Variants in BABAM2 observed in about 807,000 individuals in gnomAD.
BABAM2 encodes the protein BRISC and BRCA1-A complex member 2.
A neutral mutation model predicts 54.7 loss-of-function variants in BABAM2; 31 were observed. That is an observed-to-expected ratio of 0.57 (90% confidence interval 0.43 to 0.77). The LOEUF is 0.77. Ranked by LOEUF, BABAM2 falls within the 30% of genes least tolerant of loss-of-function variation. The pLI, the probability that BABAM2 is intolerant of heterozygous loss-of-function variation, is 0.00. For missense variants in BABAM2, 364 were observed against 455.8 expected, an observed-to-expected ratio of 0.80 and a Z score of 1.83; for synonymous variants, 167 against 162.9, an observed-to-expected ratio of 1.03 and a Z score of -0.19.
rs113083351 is a variant in BABAM2 at position 28,100,447 on chromosome 2, G to A, written c.571-28824G>A. Among the ~76,000 whole-genome samples the A allele has an allele frequency of 8.1e-5, 10 of 123,216 alleles. No homozygotes were observed. In the South Asian group the frequency reaches 2.4e-3, roughly 30 times the overall value. The allele number at this position is 123,216 out of a possible 152,430, so 80.8% of individuals were successfully genotyped here. A position where few individuals can be genotyped will look rare whatever the true frequency, so the allele number is the denominator to read the frequency against. On this transcript the variant is annotated intron_variant, in intron 6 of 11. Transcript: ENST00000379624. Reference sequence around the variant, plus strand: ...TGCACTCCAGCCTGGGTGACAGAGCGAGAGACTCTGTCTCCAAAAAAAAAA... The same window carrying A: ...TGCACTCCAGCCTGGGTGACAGAGCAAGAGACTCTGTCTCCAAAAAAAAAA...
chr2:28,144,073 T>G (rs1480008584), intron 7 of BABAM2, among the ~76,000 whole-genome samples: 1 of 152,202 alleles, frequency 6.6e-6, no homozygotes, highest in Non-Finnish European at 1.5e-5. Context: ...CTACTGGACG[T>G]TACATAATTT....
chr2:28,196,621 T>G (rs1440118566), intron 7 of BABAM2, among the ~76,000 whole-genome samples: 1 of 152,024 alleles, frequency 6.6e-6, no homozygotes, highest in African/African-American at 2.4e-5. Context: ...GACAGAAGAA[T>G]CACTTGAGGC....
At chr2:27,978,190 C>G (rs557911220) in intron 3 of BABAM2, among the ~76,000 whole-genome samples, 2 of 152,188 alleles carry the variant, frequency 1.3e-5, no homozygotes, top group South Asian at 4.2e-4. Context: ...TGAAAGAGTT[C>G]TTGCTCTGAC....
chr2:27,986,410 T>G (rs1672403807), intron 3 of BABAM2, among the ~76,000 whole-genome samples: 1 of 152,050 alleles, frequency 6.6e-6, no homozygotes, highest in African/African-American at 2.4e-5. Flanking sequence ...AGTTCAAATA[T>G]TTATTCGGTG....
chr2:28,058,438 A>C (rs972306364), intron 6 of BABAM2, among the ~76,000 whole-genome samples: 1 of 152,120 alleles, frequency 6.6e-6, no homozygotes, highest in African/African-American at 2.4e-5. Context: ...GGAGGAAATG[A>C]GGCTGGACCC....
chr2:28,083,006 C>T (rs1434233667), intron 6 of BABAM2, among the ~76,000 whole-genome samples: 1 of 152,188 alleles, frequency 6.6e-6, no homozygotes, highest in Non-Finnish European at 1.5e-5. Context: ...TATCTTCTCT[C>T]CATCCTCTGC....
intron 7 of BABAM2, among the ~76,000 whole-genome samples, chr2:28,135,425 A>G (rs145279570): frequency 6.6e-6 from 1 of 151,796 alleles, no homozygotes; most frequent in African/African-American, 2.4e-5. Flanking sequence ...CCTTTTTTCA[A>G]CCCATTAAAT....
At chr2:28,264,426 A>G (rs1182657853) in intron 10 of BABAM2, among the ~76,000 whole-genome samples, 3 of 152,248 alleles carry the variant, frequency 2.0e-5, no homozygotes, top group African/African-American at 4.8e-5. Context: ...CATCTGTATT[A>G]TAAACTGTCT....
At chr2:28,311,385 C>T (rs961912957) in intron 11 of BABAM2, among the ~76,000 whole-genome samples, 1 of 152,090 alleles carries the variant, frequency 6.6e-6, no homozygotes, top group Admixed American at 6.5e-5. Context: ...GTTAGGGTCA[C>T]GTATTCTCTT....
intron 6 of BABAM2, among the ~76,000 whole-genome samples, chr2:28,063,121 C>T (rs1224490084): frequency 6.6e-6 from 1 of 152,172 alleles, no homozygotes; most frequent in Non-Finnish European, 1.5e-5. Flanking sequence ...GTGATCTAAG[C>T]TTGCCCAGTC....
intron 7 of BABAM2, among the ~76,000 whole-genome samples, chr2:28,224,851 C>CAAAAAA (rs754146418): frequency 1.7e-4 from 14 of 83,918 alleles, no homozygotes; most frequent in African/African-American, 5.3e-4. Context: ...GGTAAATTGA[C>CAAAAAA]AAAAAAAAAA....
chr2:28,073,905 T>C (rs1278696050), intron 6 of BABAM2, among the ~76,000 whole-genome samples: 1 of 152,134 alleles, frequency 6.6e-6, no homozygotes, highest in Non-Finnish European at 1.5e-5. Flanking sequence ...TAATTGCTAA[T>C]TAGGATAAAG....
intron 5 of BABAM2, among the ~76,000 whole-genome samples, chr2:28,026,896 A>AAATATATATTAATATATATT (rs1675823483): frequency 3.7e-5 from 1 of 27,118 alleles, no homozygotes; most frequent in Non-Finnish European, 9.4e-5. Flanking sequence ...AGATATATAT[A>AAATATATATTAATATATATT]AATATATATA....
At chr2:28,294,379 C>CAA (rs113383946) in intron 10 of BABAM2, among the ~76,000 whole-genome samples, 13 of 93,080 alleles carry the variant, frequency 1.4e-4, no homozygotes, top group African/African-American at 3.2e-4. Context: ...GACTCCATCT[C>CAA]AAAAAAAAAA....
chr2:27,897,174 G>A (rs1665404484), intron 2 of BABAM2: 1 of 152,430 alleles, frequency 6.6e-6, no homozygotes, highest in African/African-American at 2.4e-5. Context: ...GTTAGCAGTG[G>A]TGGCAGCAGC....
chr2:28,062,121 G>C (rs2148642415), intron 6 of BABAM2, among the ~76,000 whole-genome samples: 1 of 152,224 alleles, frequency 6.6e-6, no homozygotes, highest in East Asian at 1.9e-4. Flanking sequence ...AGCTGGGCAT[G>C]CTGGCAGGTG....
rs1047385503 is a variant in BABAM2, at chr2:28,129,531, G to A, written c.680+151G>A. 6 of 725,042 alleles carry A rather than the reference G, an allele frequency of 8.3e-6. No homozygotes were observed. The African/African-American group carries it at 1.1e-4, about 13-fold the overall frequency. 44.9% of individuals were successfully genotyped at this position (725,042 alleles called of 1,614,324 possible). ...ATTCATCATATTAAGAGTTTCCATTGCAGAGTAAATGCAGTTAGTACTTGC... is the reference window on the plus strand; with the variant it reads ...ATTCATCATATTAAGAGTTTCCATTACAGAGTAAATGCAGTTAGTACTTGC... On this transcript the variant is annotated intron_variant, in intron 7 of 11. Coordinates refer to ENST00000379624, the MANE Select transcript of BABAM2 (RefSeq NM_199191.3).
At chr2:28,310,902 A>T (rs1689020558) in intron 11 of BABAM2, among the ~76,000 whole-genome samples, 1 of 151,338 alleles carries the variant, frequency 6.6e-6, no homozygotes, top group Non-Finnish European at 1.5e-5. Flanking sequence ...AAATAAAGAA[A>T]AAAAGAGTAA....
At chr2:27,900,793 C>T (rs1665726250) in intron 2 of BABAM2, among the ~76,000 whole-genome samples, 1 of 152,082 alleles carries the variant, frequency 6.6e-6, no homozygotes, top group Non-Finnish European at 1.5e-5. Context: ...CCTGTAATCC[C>T]AGCACTTTGG....
Sources: allele counts gnomAD v4.1 joint callset (sites outside exome capture counted in the v4.1 genomes callset), GRCh38; gene constraint gnomAD v4.1.1; transcripts MANE v1.5; gene names NCBI Gene and HGNC (gene_info 2026-07-23, HGNC 2026-07-21).